TGFBR2: variants seen among roughly 807,000 people sequenced by gnomAD.
TGFBR2 encodes the protein TGF-beta receptor type-2.
Under a neutral mutation model 49.0 loss-of-function variants are expected in TGFBR2, and 18 were observed. The observed-to-expected ratio is 0.37, with a 90% CI of 0.25 to 0.54. TGFBR2 has a LOEUF of 0.54. Among genes scored for constraint, TGFBR2 ranks in the 20% least tolerant of loss-of-function variants. The pLI is 0.85. For missense variants in TGFBR2, 525 were observed against 722.6 expected, an observed-to-expected ratio of 0.73 and a Z score of 3.13; for synonymous variants, 282 against 275.9, an observed-to-expected ratio of 1.02 and a Z score of -0.22.
chr3:30,619,364 C>A (rs978599690), intron 1 of TGFBR2, among the ~76,000 whole-genome samples: 1 of 152,202 alleles, frequency 6.6e-6, no homozygotes, highest in Non-Finnish European at 1.5e-5. Flanking sequence ...AATCTCCCCC[C>A]AGATGGCATT....
intron 5 of TGFBR2, among the ~76,000 whole-genome samples, chr3:30,685,968 A>G (rs1423902038): frequency 6.6e-6 from 1 of 152,208 alleles, no homozygotes; most frequent in Non-Finnish European, 1.5e-5. Flanking sequence ...GGTAGTACAT[A>G]TATCTCAAGG....
chr3:30,689,491 A>G (rs151248916), intron 6 of TGFBR2, among the ~76,000 whole-genome samples: 33 of 152,330 alleles, frequency 2.2e-4, no homozygotes, highest in Admixed American at 1.8e-3. Context: ...GCAAATTCAG[A>G]TAAGAAACAG....
At chr3:30,640,233 G>A (rs1405197713) in intron 1 of TGFBR2, among the ~76,000 whole-genome samples, 3 of 152,186 alleles carry the variant, frequency 2.0e-5, no homozygotes, top group Non-Finnish European at 2.9e-5. Context: ...TGCTACCCAT[G>A]TTCACTTCCT....
chr3:30,681,133 T>C (rs564385796), intron 5 of TGFBR2, among the ~76,000 whole-genome samples: 78 of 142,628 alleles, frequency 5.5e-4, no homozygotes, highest in Admixed American at 1.9e-3. Context: ...CTTAGTGTAT[T>C]GTCAAGTTGC....
intron 1 of TGFBR2, among the ~76,000 whole-genome samples, chr3:30,608,788 C>T (rs532902697): frequency 5.3e-4 from 80 of 152,316 alleles, no homozygotes; most frequent in African/African-American, 1.8e-3. Context: ...GTTTTTCCTG[C>T]ATTGCAGTAC....
intron 2 of TGFBR2, among the ~76,000 whole-genome samples, chr3:30,646,950 T>C (rs900765424): frequency 2.0e-5 from 3 of 152,210 alleles, no homozygotes; most frequent in Non-Finnish European, 2.9e-5. Context: ...GTCTTTTCTG[T>C]GTCCCAGCTA....
intron 1 of TGFBR2, among the ~76,000 whole-genome samples, chr3:30,640,787 C>G (rs1698629449): frequency 6.6e-6 from 1 of 152,124 alleles, no homozygotes; most frequent in Admixed American, 6.5e-5. Flanking sequence ...ATATAACAAT[C>G]TGGATTAAAA....
chr3:30,687,332 T>G (rs530828159), intron 5 of TGFBR2, among the ~76,000 whole-genome samples: 71 of 152,222 alleles, frequency 4.7e-4, no homozygotes, highest in Non-Finnish European at 8.8e-4. Flanking sequence ...TTCTCAACCT[T>G]TTTTAAAATC....
chr3:30,661,762 T>G, intron 3 of TGFBR2: 1 of 349,346 alleles, frequency 2.9e-6, no homozygotes, highest in South Asian at 2.2e-5. Context: ...AGTCCTGCTG[T>G]AATCTTTGCT....
Position 30,660,081 on chromosome 3 carries a change from C to CT in TGFBR2, c.454+9629dup, listed in dbSNP as rs199858983. On this transcript the variant is annotated intron_variant, in intron 3 of 6. Coordinates refer to ENST00000295754, the MANE Select transcript of TGFBR2 (RefSeq NM_003242.6). ...ATCAATTTTGCCATTACAAATTATG[C>CT]TTTTTTTTAAAAACATGTTAACTTT... Among the ~76,000 whole-genome samples, 820 of 151,998 alleles carry CT rather than the reference C, an allele frequency of 5.4e-3. 7 individuals are homozygous for CT. The highest frequency in any genetic ancestry group is 0.017 in the African/African-American group (702 of 41,458).
intron 3 of TGFBR2, among the ~76,000 whole-genome samples, chr3:30,661,021 A>T (rs1699113784): frequency 6.6e-6 from 1 of 152,326 alleles, no homozygotes; most frequent in South Asian, 2.1e-4. Context: ...AATAATGAAT[A>T]TGCTTTTCCA....
rs763647256 is a variant in TGFBR2 at position 30,650,517 on chromosome 3, C to T, written c.454+57C>T. On this transcript the variant is annotated intron_variant, in intron 3 of 6. Coordinates refer to ENST00000295754, the MANE Select transcript of TGFBR2 (RefSeq NM_003242.6). ...TGAGATCTGTGCCAATTTTTTGTAT[C>T]CTTGGTCTGCAGTGTCATAGAGCAC... is the stretch of plus-strand genomic sequence containing the variant. 1,057 of 1,576,046 alleles carry T rather than the reference C, an allele frequency of 6.7e-4. 1 individual carries two copies. Among genetic ancestry groups the T allele is most frequent in the Middle Eastern group, 2.4e-3 (14 of 5,786 alleles).
At chr3:30,667,550 T>C (rs1366451038) in intron 3 of TGFBR2, among the ~76,000 whole-genome samples, 1 of 152,204 alleles carries the variant, frequency 6.6e-6, no homozygotes, top group Non-Finnish European at 1.5e-5. Context: ...CAGGAAATTT[T>C]AGGAGAAAGT....
intron 1 of TGFBR2, among the ~76,000 whole-genome samples, chr3:30,624,617 AG>A (rs1279346762): frequency 1.4e-5 from 2 of 143,428 alleles, no homozygotes; most frequent in African/African-American, 5.2e-5. Context: ...TCCGTCTCAA[AG>A]GAAAAAAAAA....
At chr3:30,689,072 A>G (rs1028010581) in intron 6 of TGFBR2, among the ~76,000 whole-genome samples, 3 of 152,226 alleles carry the variant, frequency 2.0e-5, no homozygotes, top group Non-Finnish European at 4.4e-5. Context: ...AATTAAGGAA[A>G]GCAAAGAAGA....
intron 5 of TGFBR2, among the ~76,000 whole-genome samples, chr3:30,686,217 T>C (rs1180938034): frequency 6.6e-6 from 1 of 152,222 alleles, no homozygotes; most frequent in Non-Finnish European, 1.5e-5. Flanking sequence ...ACTGAGCAGA[T>C]AAGTGAAAGA....
intron 1 of TGFBR2, among the ~76,000 whole-genome samples, chr3:30,621,016 C>T (rs1025840895): frequency 6.6e-6 from 1 of 152,172 alleles, no homozygotes; most frequent in African/African-American, 2.4e-5. Flanking sequence ...TGAATTTGGC[C>T]TTCAGCCTTC....
chr3:30,646,061 T>A (rs1330554785), intron 2 of TGFBR2, among the ~76,000 whole-genome samples: 3 of 152,206 alleles, frequency 2.0e-5, no homozygotes, highest in Non-Finnish European at 4.4e-5. Flanking sequence ...TTGGCCATTT[T>A]AAAAAAAGTA....
chr3:30,680,546 A>G (rs561966094), intron 5 of TGFBR2, among the ~76,000 whole-genome samples: 1 of 121,878 alleles, frequency 8.2e-6, no homozygotes, highest in Non-Finnish European at 1.6e-5. Flanking sequence ...TTTTAGGGAC[A>G]GGTAATGAAC....
Sources: gnomAD v4.1 joint callset for allele counts (sites outside exome capture counted in the v4.1 genomes callset) on GRCh38, gnomAD v4.1.1 for gene constraint, MANE v1.5 for transcripts, NCBI Gene and HGNC (gene_info 2026-07-23, HGNC 2026-07-21) for gene names.